DMD: variants seen among roughly 807,000 people sequenced by gnomAD.
DMD encodes the protein dystrophin.
In DMD, 63 loss-of-function variants were observed where a neutral mutation model predicts 330.1. That is an observed-to-expected ratio of 0.19 (90% CI 0.16 to 0.24). The LOEUF (loss-of-function observed/expected upper bound fraction) is 0.24. DMD is among the 10% of genes least tolerant of loss of function. The probability of loss-of-function intolerance (pLI) is 1.00; values close to 1 mark genes in which losing one functional copy is unlikely to be tolerated. For missense variants in DMD, 3,344 were observed against 2,684.1 expected (o/e 1.25, Z -5.43); for synonymous variants, 1,223 against 959.8 (o/e 1.27, Z -5.07).
chrX:32,924,004 CA>C (rs2088719310), intron 2 of DMD, among the ~76,000 whole-genome samples: 1 of 111,572 alleles, frequency 9.0e-6, no homozygotes, highest in Non-Finnish European at 1.9e-5. Flanking sequence ...TAATGTTGAG[CA>C]AATAGCAACT....
chrX:32,091,432 T>A (rs893349636), intron 44 of DMD, among the ~76,000 whole-genome samples: 3 of 111,627 alleles, frequency 2.7e-5, no homozygotes, highest in Non-Finnish European at 5.6e-5. Context: ...AAGCTCAACA[T>A]CAATAAATAA....
At chrX:33,107,278 C>G (rs751898593) in intron 1 of DMD, among the ~76,000 whole-genome samples, 46 of 100,267 alleles carry the variant, frequency 4.6e-4, no homozygotes, top group South Asian at 2.2e-3. Flanking sequence ...CATCATTGCA[C>G]TCCAGCCTCG....
At chrX:32,077,969 T>C (rs1263569979) in intron 44 of DMD, among the ~76,000 whole-genome samples, 1 of 110,766 alleles carries the variant, frequency 9.0e-6, no homozygotes, top group East Asian at 2.9e-4. Context: ...CATCTGAGTG[T>C]CTCAGGGCTT....
At chrX:33,335,718 A>G (rs998803410) in intron 1 of DMD, among the ~76,000 whole-genome samples, 3 of 110,881 alleles carry the variant, frequency 2.7e-5, no homozygotes, top group African/African-American at 9.8e-5. Flanking sequence ...CATAAGGCAC[A>G]TTACAGAAGA....
At chrX:32,526,796 A>G (rs1441501341) in intron 17 of DMD, among the ~76,000 whole-genome samples, 1 of 112,550 alleles carries the variant, frequency 8.9e-6, no homozygotes, top group Admixed American at 9.4e-5. Flanking sequence ...TACATGAATT[A>G]GTGCTATATA....
chrX:31,925,458 A>C (rs1347315813), intron 47 of DMD, among the ~76,000 whole-genome samples: 1 of 112,114 alleles, frequency 8.9e-6, no homozygotes, highest in Admixed American at 9.5e-5. Context: ...AAGGGGACAC[A>C]AAATAAAAAG....
rs142697227 is a variant in DMD at position 31,785,201 on chromosome X, G to A, written c.7310-11009C>T. Among the ~76,000 whole-genome samples the A allele has an allele frequency of 6.2e-3, 693 of 112,024 alleles. 4 individuals carry two copies. Among genetic ancestry groups the A allele is most frequent in the South Asian group, 0.016 (43 of 2,691 alleles). The stretch of plus-strand genomic sequence containing the variant: ...AGCCAGTCATAAAATGACAAATACT[G>A]CATGCTTCCTTTTATATGATGTATC... On this transcript the variant is annotated intron_variant, in intron 50 of 78. Coordinates refer to ENST00000357033, the MANE Select transcript of DMD (RefSeq NM_004006.3).
chrX:31,831,875 T>C (rs1316605786), intron 49 of DMD, among the ~76,000 whole-genome samples: 1 of 112,732 alleles, frequency 8.9e-6, no homozygotes, highest in Non-Finnish European at 1.9e-5. Flanking sequence ...GTGCTGGTAT[T>C]ACAGGCGCGA....
chrX:31,282,085 G>A (rs1200614135), intron 62 of DMD, among the ~76,000 whole-genome samples: 1 of 111,620 alleles, frequency 9.0e-6, no homozygotes, highest in Non-Finnish European at 1.9e-5. Context: ...GTGAACAAAC[G>A]AGATAACATA....
At chrX:32,387,185 A>G (rs771393630) in intron 32 of DMD, among the ~76,000 whole-genome samples, 82 of 111,196 alleles carry the variant, frequency 7.4e-4, no homozygotes, top group Admixed American at 2.2e-3. Flanking sequence ...ATAGGTTGCT[A>G]TAAAAAAGCA....
At chrX:31,626,398 T>C (rs979126366) in intron 55 of DMD, among the ~76,000 whole-genome samples, 2 of 112,126 alleles carry the variant, frequency 1.8e-5, no homozygotes, top group African/African-American at 3.2e-5. Flanking sequence ...CAGTGGTACA[T>C]TGTCTAACCA....
chrX:33,029,049 T>C (rs1401816131), intron 1 of DMD, among the ~76,000 whole-genome samples: 1 of 111,579 alleles, frequency 9.0e-6, no homozygotes, highest in East Asian at 2.8e-4. Flanking sequence ...AAGGGTTTGT[T>C]GAATAAATCA....
intron 41 of DMD, among the ~76,000 whole-genome samples, chrX:32,336,558 T>C (rs1274229497): frequency 8.9e-6 from 1 of 111,794 alleles, no homozygotes; most frequent in African/African-American, 3.3e-5. Context: ...TTCCTTAGTA[T>C]GCCTACTTCT....
intron 63 of DMD, among the ~76,000 whole-genome samples, chrX:31,259,894 CA>C (rs1660791298): frequency 9.0e-6 from 1 of 110,577 alleles, no homozygotes; most frequent in African/African-American, 3.3e-5. Context: ...CTGATTCCCA[CA>C]GTGTTCATCA....
rs1476893620 is a variant in DMD at position 32,536,074 on chromosome X, A to G, written c.2168+9085T>C. Among the ~76,000 whole-genome samples, 5 of 110,100 alleles carry G rather than the reference A, an allele frequency of 4.5e-5. No homozygotes were observed. In the Admixed American group the frequency reaches 4.9e-4, roughly 11 times the overall value. On this transcript the variant is annotated intron_variant, in intron 17 of 78. Coordinates refer to ENST00000357033, the MANE Select transcript of DMD (RefSeq NM_004006.3). ...GAGGTCAACAGATCAAGCCCATCCT[A>G]GCCAACACGGTGAAACCCCATCTCT...
At chrX:32,307,558 C>A (rs937088964) in intron 42 of DMD, among the ~76,000 whole-genome samples, 4 of 111,657 alleles carry the variant, frequency 3.6e-5, no homozygotes, top group African/African-American at 9.7e-5. Context: ...AAGAGTGTTT[C>A]ATCCTCCAAT....
At chrX:33,323,646 A>T (rs1163836631) in intron 1 of DMD, among the ~76,000 whole-genome samples, 1 of 111,533 alleles carries the variant, frequency 9.0e-6, no homozygotes, top group Non-Finnish European at 1.9e-5. Flanking sequence ...AACTTGATCT[A>T]TTACAGTATA....
chrX:32,948,113 G>GACAC (rs3083093), intron 2 of DMD, among the ~76,000 whole-genome samples: 2,891 of 95,951 alleles, frequency 0.03, 57 homozygotes, highest in African/African-American at 0.064. Flanking sequence ...GAGAGAAACA[G>GACAC]ACACACACAC....
In DMD at chrX:32,092,724, C is replaced by CTTTTTTTT. The variant is rs11315047; in HGVS notation, c.6438+124184_6438+124191dup. Among the ~76,000 whole-genome samples the CTTTTTTTT allele has an allele frequency of 5.8e-4, 23 of 39,779 alleles. 1 individual carries two copies. Among genetic ancestry groups the CTTTTTTTT allele is most frequent in the African/African-American group, 1.8e-3 (16 of 9,081 alleles). The allele number at this position is 39,779 out of a possible 115,157, so 34.5% of individuals were successfully genotyped here. ...AAAAATGTTCATCACGTTATTTTCA[C>CTTTTTTTT]TTTTTTTTTTTTTTTTTTTTTTTTT... On this transcript the variant is annotated intron_variant, in intron 44 of 78. Coordinates refer to ENST00000357033, the MANE Select transcript of DMD (RefSeq NM_004006.3).
Sources: gnomAD v4.1 joint callset for allele counts (sites outside exome capture counted in the v4.1 genomes callset) on GRCh38, gnomAD v4.1.1 for gene constraint, MANE v1.5 for transcripts, NCBI Gene and HGNC (gene_info 2026-07-23, HGNC 2026-07-21) for gene names.